The following ATP2B4 variants were observed in gnomAD, a reference collection of about 807,000 sequenced individuals.
ATP2B4 encodes the protein ATPase plasma membrane Ca2+ transporting 4, also known as plasma membrane calcium-transporting ATPase 4.
Under a neutral mutation model 110.3 loss-of-function variants are expected in ATP2B4, and 39 were observed. That is an observed-to-expected ratio of 0.35 (90% CI 0.27 to 0.46). ATP2B4 has a LOEUF of 0.46. Ranked by LOEUF, ATP2B4 falls within the 20% of genes least tolerant of loss-of-function variation. The pLI is 1.00. For missense variants in ATP2B4, 1,135 were observed against 1,530.9 expected, an observed-to-expected ratio of 0.74 and a Z score of 4.32; for synonymous variants, 538 against 571.7, an observed-to-expected ratio of 0.94 and a Z score of 0.84.
intron 19 of ATP2B4, among the ~76,000 whole-genome samples, 180 bp from the exon 20 acceptor site, chr1:203,727,215 G>T (rs573388964): frequency 6.6e-6 from 1 of 152,162 alleles, no homozygotes; most frequent in East Asian, 1.9e-4. Context: ...AAGCCTGACC[G>T]CTGGTGGGCA....
At chr1:203,690,670 T>C (rs1665341298) in intron 2 of ATP2B4, among the ~76,000 whole-genome samples, 1 of 152,184 alleles carries the variant, frequency 6.6e-6, no homozygotes, top group South Asian at 2.1e-4. Context: ...ACCTCTATTT[T>C]CCTCTTTCTT....
intron 17 of ATP2B4, among the ~76,000 whole-genome samples, 156 bp downstream of exon 17, chr1:203,721,566 T>TA (rs1666333042): frequency 6.6e-6 from 1 of 152,122 alleles, no homozygotes. Context: ...ATTATGCTAC[T>TA]ATATGTACTC....
chr1:203,725,374 C>A (rs368621731), intron 19 of ATP2B4, among the ~76,000 whole-genome samples: 1 of 152,164 alleles, frequency 6.6e-6, no homozygotes, highest in Admixed American at 6.5e-5. Flanking sequence ...GTCTCAAACT[C>A]CTGATCTCAG....
chr1:203,714,311 C>T (rs1453659224), intron 15 of ATP2B4, 34 bp downstream of exon 15: 2 of 1,609,948 alleles, frequency 1.2e-6, no homozygotes, highest in South Asian at 1.1e-5. Flanking sequence ...TGATTGCAAG[C>T]TGCCTTCTCC....
rs61731213 is a variant in ATP2B4 at position 203,721,409 on chromosome 1, G to A, written c.2811G>A (p.Ala937=). The A allele has an allele frequency of 0.016, 25,080 of 1,613,832 alleles. 243 individuals carry two copies. Among genetic ancestry groups the A allele is most frequent in the Middle Eastern group, 0.023 (139 of 6,056 alleles). ...QLIVIFILVF[A]GEKFFDIDSG... ...TTGTCATCTTTATCCTTGTCTTTGC[G>A]GGTGAGCCACTTTGGGGGTGGGTAG... Residue 937 remains alanine (A), a splice_region_variant and synonymous_variant, in exon 17 of 21, where the codon GCG becomes GCA. Coordinates refer to ENST00000357681, the MANE Select transcript of ATP2B4 (RefSeq NM_001684.5).
rs149093200 is a variant in ATP2B4, at chr1:203,724,072, G to A, written c.3132+84G>A. On this transcript the variant is annotated intron_variant, in intron 19 of 20. Coordinates refer to ENST00000357681, the MANE Select transcript of ATP2B4 (RefSeq NM_001684.5). ...ACATGAGATGGAACAAGCAACGGTG[G>A]AGACCCCCCAGCTCCTCATCTTCAT... 1,182 of 1,170,148 alleles carry A rather than the reference G, an allele frequency of 1.0e-3. 9 individuals carry two copies. The African/African-American group carries it at 0.017, about 17-fold the overall frequency. 72.5% of individuals were successfully genotyped at this position (1,170,148 alleles called of 1,614,324 possible).
intron 2 of ATP2B4, among the ~76,000 whole-genome samples, chr1:203,695,844 T>C (rs1287475362): frequency 6.6e-6 from 1 of 152,152 alleles, no homozygotes. Context: ...CTTGGGTACC[T>C]ATTTTCCCAT....
chr1:203,701,687 G>C (rs537363618), intron 6 of ATP2B4, among the ~76,000 whole-genome samples: 8 of 152,304 alleles, frequency 5.3e-5, no homozygotes, highest in Admixed American at 4.6e-4. Flanking sequence ...GAAGTAACAC[G>C]GAGACACCTT....
chr1:203,646,426 G>A (rs908490349), intron 1 of ATP2B4, among the ~76,000 whole-genome samples: 5 of 151,802 alleles, frequency 3.3e-5, no homozygotes, highest in South Asian at 4.2e-4. Flanking sequence ...CATCTTGGGC[G>A]ATATAATGAG....
chr1:203,717,626 T>TTTTA (rs113515512), intron 15 of ATP2B4, among the ~76,000 whole-genome samples: 4,652 of 144,182 alleles, frequency 0.032, 91 homozygotes, highest in Middle Eastern at 0.054. Context: ...ATGGTATTTA[T>TTTTA]TTTATTTATT....
intron 14 of ATP2B4, 68 bp downstream of exon 14, chr1:203,713,320 C>T (rs1205453904): frequency 2.6e-5 from 41 of 1,577,134 alleles, no homozygotes; most frequent in Non-Finnish European, 3.4e-5. Flanking sequence ...CAGATAAGAA[C>T]CACCAGCCAA....
At chr1:203,733,531 A>G (rs890761882) in intron 20 of ATP2B4, 2 of 934,538 alleles carry the variant, frequency 2.1e-6, no homozygotes, top group Admixed American at 3.4e-5. Flanking sequence ...TTAAGGGAAG[A>G]AAAAGACAAA....
At chr1:203,739,442 A>G (rs1200415351) in intron 20 of ATP2B4, 104 bp from the exon 21 acceptor site, 4 of 1,167,210 alleles carry the variant, frequency 3.4e-6, no homozygotes, top group Admixed American at 2.4e-5. Flanking sequence ...GTCATGTTTT[A>G]TAGTCTGGGT....
At chr1:203,660,081 C>CAAAA (rs1220626290) in intron 1 of ATP2B4, among the ~76,000 whole-genome samples, 1 of 145,084 alleles carries the variant, frequency 6.9e-6, no homozygotes, top group African/African-American at 2.6e-5. Flanking sequence ...GACTCCATCT[C>CAAAA]AAAAAAAAAA....
intron 1 of ATP2B4, among the ~76,000 whole-genome samples, chr1:203,669,086 A>T (rs1170091885): frequency 6.6e-6 from 1 of 152,194 alleles, no homozygotes; most frequent in Non-Finnish European, 1.5e-5. Context: ...CAAACCTCCG[A>T]CCACCATCCC....
At chr1:203,722,109 C>G (rs974291507) in intron 17 of ATP2B4, among the ~76,000 whole-genome samples, 1 of 152,240 alleles carries the variant, frequency 6.6e-6, no homozygotes, top group African/African-American at 2.4e-5. Context: ...ATCAATGCAG[C>G]AAACTGAGAG....
At chr1:203,723,111 G>A (rs2102217740) in intron 18 of ATP2B4, among the ~76,000 whole-genome samples, 1 of 152,056 alleles carries the variant, frequency 6.6e-6, no homozygotes, top group South Asian at 2.1e-4. Flanking sequence ...AAAGTGTTGT[G>A]CAACTCAAAG....
intron 20 of ATP2B4, 47 bp downstream of exon 20, chr1:203,727,618 A>G: frequency 6.2e-7 from 1 of 1,606,704 alleles, no homozygotes; most frequent in Non-Finnish European, 8.5e-7. Flanking sequence ...GCAGCTTCCC[A>G]TCTTGGAAGG....
At chr1:203,653,776 C>T (rs1159811012) in intron 1 of ATP2B4, among the ~76,000 whole-genome samples, 2 of 151,958 alleles carry the variant, frequency 1.3e-5, no homozygotes, top group Non-Finnish European at 2.9e-5. Flanking sequence ...AGGTTGGTCT[C>T]AAACTCCTGA....
Sources: gnomAD v4.1 joint callset for allele counts (sites outside exome capture counted in the v4.1 genomes callset) on GRCh38, gnomAD v4.1.1 for gene constraint, MANE v1.5 for transcripts, NCBI Gene and HGNC (gene_info 2026-07-23, HGNC 2026-07-21) for gene names.